The following NKD2 variants were observed in gnomAD, a reference collection of about 807,000 sequenced individuals.
NKD2 encodes NKD inhibitor of Wnt signaling pathway 2, also known as protein naked cuticle homolog 2.
A neutral mutation model predicts 34.8 loss-of-function variants in NKD2; 43 were observed. The observed-to-expected ratio is 1.24, with a 90% CI of 0.97 to 1.60. NKD2 has a LOEUF of 1.60. NKD2 is among the 40% of genes most tolerant of loss of function. The probability of loss-of-function intolerance (pLI) is 0.00; values close to 1 mark genes in which losing one functional copy is unlikely to be tolerated. For synonymous variants in NKD2, 278 were observed against 265.1 expected, an observed-to-expected ratio of 1.05 and a Z score of -0.47; for missense variants, 675 against 627.1, an observed-to-expected ratio of 1.08 and a Z score of -0.82.
intron 7 of NKD2, among the ~76,000 whole-genome samples, 180 bp from the exon 8 acceptor site, chr5:1,035,209 A>T (rs912865327): frequency 6.6e-6 from 1 of 151,430 alleles, no homozygotes; most frequent in Non-Finnish European, 1.5e-5. Context: ...CGAGTGAGTT[A>T]ATGAATGAGT....
chr5:1,032,079 C>T, intron 3 of NKD2, 73 bp from the exon 4 acceptor site: 1 of 1,251,060 alleles, frequency 8.0e-7, no homozygotes, highest in South Asian at 1.2e-5. Flanking sequence ...GTCCAGCCGC[C>T]CAGAGCTCCT....
At chr5:1,012,331 C>T (rs12518095) in intron 3 of NKD2, among the ~76,000 whole-genome samples, 9,470 of 152,326 alleles carry the variant, frequency 0.062, 499 homozygotes, top group African/African-American at 0.13. Context: ...CCAGCCAGTG[C>T]GTGGAGGAGG....
intron 9 of NKD2, chr5:1,036,747 TCA>T (rs1733972333): frequency 2.1e-6 from 1 of 482,746 alleles, no homozygotes; most frequent in African/African-American, 1.9e-5. Context: ...AATCACCGGC[TCA>T]GTCAGCAGAG....
At chr5:1,012,875 T>C (rs1414600473) in intron 3 of NKD2, among the ~76,000 whole-genome samples, 2 of 152,146 alleles carry the variant, frequency 1.3e-5, no homozygotes, top group African/African-American at 4.8e-5. Context: ...GCCCAGTTCT[T>C]GGTCAGTGGG....
At chr5:1,015,015 C>T (rs561392816) in intron 3 of NKD2, among the ~76,000 whole-genome samples, 1 of 152,344 alleles carries the variant, frequency 6.6e-6, no homozygotes, top group East Asian at 1.9e-4. Flanking sequence ...ACCTGCTTCC[C>T]CTTGTGGTCC....
At chr5:1,015,762 C>T (rs571578291) in intron 3 of NKD2, among the ~76,000 whole-genome samples, 26 of 152,280 alleles carry the variant, frequency 1.7e-4, no homozygotes, top group African/African-American at 6.0e-4. Flanking sequence ...TGTGTGGAAC[C>T]CGAGGGGGCC....
Position 1,038,398 on chromosome 5 carries a change from C to A in NKD2, c.*25C>A, listed in dbSNP as rs774739096. The A allele has an allele frequency of 1.3e-6, 2 of 1,535,732 alleles. No homozygotes were observed. Among genetic ancestry groups the A allele is most frequent in the Non-Finnish European group, 1.7e-6 (2 of 1,146,708 alleles). On this transcript the variant is annotated 3_prime_UTR_variant, in exon 10 of 10. Coordinates refer to ENST00000296849, the MANE Select transcript of NKD2 (RefSeq NM_033120.4). This position sits in a 1 kb window ranked among gnomAD's most constrained non-coding sequence, Gnocchi z 4.5. The stretch of plus-strand genomic sequence containing the variant: ...GCGCCACTGCCAAGCACACCTCGCT[C>A]CCAGCACACCACAGCCCGCGACCTC...
intron 3 of NKD2, among the ~76,000 whole-genome samples, chr5:1,026,501 A>T (rs187765142): frequency 2.0e-4 from 12 of 58,854 alleles, no homozygotes; most frequent in African/African-American, 5.4e-4. Flanking sequence ...GTCTCAGCCC[A>T]TTGTCCCTGC....
chr5:1,033,406 G>A lies in NKD2; in HGVS notation c.237G>A (p.Glu79=). The A allele has an allele frequency of 6.3e-7, 1 of 1,598,230 alleles. No homozygotes were observed. The highest frequency in any genetic ancestry group is 8.5e-7 in the Non-Finnish European group (1 of 1,173,214). ...ALPAEKAEGR[E]HPGQLLSADD... ...CCGCTGAGAAAGCTGAGGGCCGCGA[G>A]CACCCGGGACAACTCCTCAGCGCAG... is the stretch of plus-strand genomic sequence containing the variant. Residue 79 remains glutamate (E), a synonymous_variant, in exon 5 of 10, where the codon GAG becomes GAA. Coordinates refer to ENST00000296849, the MANE Select transcript of NKD2 (RefSeq NM_033120.4).
intron 3 of NKD2, among the ~76,000 whole-genome samples, chr5:1,010,599 C>T (rs190593775): frequency 2.8e-4 from 42 of 152,240 alleles, no homozygotes; most frequent in Non-Finnish European, 5.0e-4. Context: ...GTGGGAAGCA[C>T]GCTGTAAGGT....
Position 1,032,170 on chromosome 5 carries a change from C to A in NKD2, c.160C>A (p.Pro54Thr). 6.2e-7 allele frequency: 1 copy of A among 1,611,070 alleles called. No homozygotes were observed. The highest frequency in any genetic ancestry group is 8.5e-7 in the Non-Finnish European group (1 of 1,179,160). The stretch of plus-strand genomic sequence containing the variant: ...CCTGCAGGAGCTGCCCAATGGGGAC[C>A]CCAAGGAGGGGCCTTTCCGGGAGGA... Reference protein sequence around the residue: ...RDKQELPNGDPKEGPFREDQC... With the variant: ...RDKQELPNGDTKEGPFREDQC... Residue 54 changes from proline (P) to threonine (T), a missense_variant, in exon 4 of 10, where the codon CCC (proline) becomes ACC (threonine). Transcript: ENST00000296849.
chr5:1,031,089 T>TG (rs889425171), intron 3 of NKD2, among the ~76,000 whole-genome samples: 18 of 151,914 alleles, frequency 1.2e-4, no homozygotes, highest in African/African-American at 1.9e-4. Flanking sequence ...AGGAGGCGCT[T>TG]GGGGGGGTCC....
chr5:1,038,359 T>C lies in NKD2; in HGVS notation c.1342T>C (p.Phe448Leu), dbSNP rs943997888. The C allele has an allele frequency of 1.3e-5, 20 of 1,534,730 alleles. No individual in the cohort carries two copies. The Admixed American group carries it at 2.0e-4, about 15-fold the overall frequency. ...EHHHHHHHHH[F>L]HPS ...CCACCACCACCACCACCACCACCAC[T>C]TCCACCCGTCCTAGCGCCACTGCCA... The change falls in exon 10 of 10, where the codon TTC (phenylalanine) becomes CTC (leucine). Residue 448 changes from phenylalanine to leucine, a missense_variant. By Grantham distance (22) the Phe-to-Leu change is conservative. Transcript: ENST00000296849. This position sits in a 1 kb window ranked among gnomAD's most constrained non-coding sequence, Gnocchi z 4.5.
intron 8 of NKD2, chr5:1,035,971 A>T (rs868825889): frequency 2.2e-6 from 1 of 462,524 alleles, no homozygotes; most frequent in Non-Finnish European, 3.5e-6. Flanking sequence ...GTGGTCCCAG[A>T]GTGGTGATCA....
At chr5:1,034,634 G>A in intron 6 of NKD2, 122 bp from the exon 7 acceptor site, 1 of 1,085,908 alleles carries the variant, frequency 9.2e-7, no homozygotes, top group East Asian at 2.4e-5. Flanking sequence ...GGTTCCTGTG[G>A]TCTGTTGGTG....
chr5:1,020,632 T>C (rs1325741421), intron 3 of NKD2, among the ~76,000 whole-genome samples: 1 of 150,490 alleles, frequency 6.6e-6, no homozygotes, highest in Non-Finnish European at 1.5e-5. Flanking sequence ...GGCTGCCTGG[T>C]CAAAAAGCCA....
chr5:1,021,532 TGCTGTA>T (rs1385892812), intron 3 of NKD2, among the ~76,000 whole-genome samples: 3 of 151,750 alleles, frequency 2.0e-5, no homozygotes, highest in East Asian at 3.9e-4. Context: ...CGCACAGTGT[TGCTGTA>T]GCCTTTCTGG....
intron 3 of NKD2, among the ~76,000 whole-genome samples, chr5:1,012,348 C>A (rs1258857727): frequency 1.3e-5 from 2 of 152,240 alleles, no homozygotes; most frequent in African/African-American, 2.4e-5. Context: ...GAGGCCGTGG[C>A]CCTGGCCTGC....
intron 3 of NKD2, among the ~76,000 whole-genome samples, chr5:1,016,542 T>A (rs1418562834): frequency 6.6e-6 from 1 of 152,246 alleles, no homozygotes; most frequent in African/African-American, 2.4e-5. Flanking sequence ...ATACAAACAT[T>A]CAAATTGGAG....
Sources: allele counts gnomAD v4.1 joint callset (sites outside exome capture counted in the v4.1 genomes callset), GRCh38; gene constraint gnomAD v4.1.1; non-coding constraint Gnocchi (gnomAD v3.1); transcripts MANE v1.5; gene names NCBI Gene and HGNC (gene_info 2026-07-23, HGNC 2026-07-21).